The following IQGAP1 variants were observed in gnomAD, a reference collection of about 807,000 sequenced individuals.
The protein encoded by IQGAP1 is IQ motif containing GTPase activating protein 1, also known as ras GTPase-activating-like protein IQGAP1.
IQGAP1 carries 66 observed loss-of-function variants against 215.6 expected under a neutral mutation model. The ratio of observed to expected loss-of-function variants is 0.31; its 90% CI spans 0.25 to 0.38. IQGAP1 has a LOEUF of 0.38. IQGAP1 is among the 10% of genes least tolerant of loss of function. The pLI, the probability that IQGAP1 is intolerant of heterozygous loss-of-function variation, is 1.00. For missense variants in IQGAP1, 1,712 were observed against 1,997.1 expected, an observed-to-expected ratio of 0.86 and a Z score of 2.72; for synonymous variants, 772 against 728.7, an observed-to-expected ratio of 1.06 and a Z score of -0.96.
At chr15:90,458,727 T>C (rs1344197491) in intron 15 of IQGAP1, among the ~76,000 whole-genome samples, 2 of 152,230 alleles carry the variant, frequency 1.3e-5, no homozygotes, top group Non-Finnish European at 2.9e-5. Flanking sequence ...AGCCAACTAC[T>C]TCTTATCCGA....
intron 2 of IQGAP1, among the ~76,000 whole-genome samples, chr15:90,412,851 A>G (rs1964987017): frequency 6.6e-6 from 1 of 152,206 alleles, no homozygotes; most frequent in Non-Finnish European, 1.5e-5. Context: ...ACTGAATCTC[A>G]GTGGCTTGAA....
At position 90,487,589 on chromosome 15, in the gene IQGAP1, T is replaced by C; in HGVS notation, c.4248+7T>C. 6.3e-7 allele frequency: 1 copy of C among 1,598,702 alleles called. No individual in the cohort carries two copies. The highest frequency in any genetic ancestry group is 8.6e-7 in the Non-Finnish European group (1 of 1,166,172). ...ACCAGCCACCAGTGAACAGGTAAAATTTAGGGTCTAACATACTCCTTTGTT... is the reference window on the plus strand; with the variant it reads ...ACCAGCCACCAGTGAACAGGTAAAACTTAGGGTCTAACATACTCCTTTGTT... On this transcript the variant is annotated splice_region_variant and intron_variant, in intron 33 of 37. Transcript: ENST00000268182.
At chr15:90,459,336 G>A (rs1965730095) in intron 15 of IQGAP1, among the ~76,000 whole-genome samples, 1 of 152,182 alleles carries the variant, frequency 6.6e-6, no homozygotes, top group African/African-American at 2.4e-5. Flanking sequence ...TAGCGGGTAA[G>A]ACAAACATTT....
intron 5 of IQGAP1, 117 bp downstream of exon 5, chr15:90,433,912 AAATAGGATAAAAT>A: frequency 1.9e-6 from 1 of 532,360 alleles, no homozygotes; most frequent in Non-Finnish European, 3.3e-6. Context: ...CAAAAGTTCC[AAATAGGATAAAAT>A]ACTATTATCC....
intron 3 of IQGAP1, 41 bp from the exon 4 acceptor site, chr15:90,429,548 C>T (rs1965273770): frequency 7.2e-7 from 1 of 1,388,478 alleles, no homozygotes; most frequent in African/African-American, 1.5e-5. Context: ...ATATTTGCTT[C>T]AATACAGCCA....
At chr15:90,398,726 G>A (rs1343380997) in intron 2 of IQGAP1, among the ~76,000 whole-genome samples, 1 of 152,056 alleles carries the variant, frequency 6.6e-6, no homozygotes, top group Non-Finnish European at 1.5e-5. Context: ...ATCTTGGCTG[G>A]GCGCGGTGGC....
chr15:90,467,651 A>G, intron 18 of IQGAP1, 59 bp downstream of exon 18: 1 of 1,509,166 alleles, frequency 6.6e-7, no homozygotes, highest in Non-Finnish European at 8.9e-7. Flanking sequence ...AAGCTATAAT[A>G]TTAATTAAGA....
Position 90,450,815 on chromosome 15 carries a change from G to GTT in IQGAP1, c.1162+1184_1162+1185dup, listed in dbSNP as rs74753086. Among the ~76,000 whole-genome samples, 155 of 127,070 alleles carry GTT rather than the reference G, an allele frequency of 1.2e-3. 2 individuals carry two copies. The highest frequency in any genetic ancestry group is 3.5e-3 in the African/African-American group (125 of 35,456). The allele number at this position is 127,070 out of a possible 152,430, so 83.4% of individuals were successfully genotyped here. A position where few individuals can be genotyped will look rare whatever the true frequency, so the allele number is the denominator to read the frequency against. ...TGGATTATTTGTGGGGTTTTTTTTT[G>GTT]TTTTTTTTTTTTTGGCTGTTGTTTG... On this transcript the variant is annotated intron_variant, in intron 11 of 37. Transcript: ENST00000268182.
In IQGAP1 at chr15:90,500,192, G is replaced by A; in HGVS notation, c.*84G>A. 1.3e-6 allele frequency: 1 copy of A among 758,704 alleles called. No individual in the cohort carries two copies. Among genetic ancestry groups the A allele is most frequent in the Non-Finnish European group, 2.3e-6 (1 of 434,792 alleles). 47.0% of individuals were successfully genotyped at this position (758,704 alleles called of 1,614,324 possible). ...CTAGGTCCTTCTTTCCTCATTGGAAGCAAAGACCTAGCCAACAACAGCACC... is the reference window on the plus strand; with the variant it reads ...CTAGGTCCTTCTTTCCTCATTGGAAACAAAGACCTAGCCAACAACAGCACC... On this transcript the variant is annotated 3_prime_UTR_variant, in exon 38 of 38. Coordinates refer to ENST00000268182, the MANE Select transcript of IQGAP1 (RefSeq NM_003870.4).
rs201948106 is a variant in IQGAP1, at chr15:90,492,700, C to T, written c.4617C>T (p.Ala1539=). 2.7e-5 allele frequency: 44 copies of T among 1,608,882 alleles called. No individual in the cohort carries two copies. The highest frequency in any genetic ancestry group is 3.6e-5 in the Non-Finnish European group (42 of 1,178,510). Residue 1539 remains alanine (A), a synonymous_variant, in exon 35 of 38, where the codon GCC becomes GCT. Transcript: ENST00000268182. Reference sequence around the variant, plus strand: ...TCAAAACCTGCTTGGATAACTTAGCCAGCAAGGGCAAGTGAGTATTTTTTC... The same window carrying T: ...TCAAAACCTGCTTGGATAACTTAGCTAGCAAGGGCAAGTGAGTATTTTTTC... ...SYIKTCLDNL[A]SKGKVSKKPR...
chr15:90,426,445 A>ATAT, intron 3 of IQGAP1, among the ~76,000 whole-genome samples, 179 bp downstream of exon 3: 1 of 152,182 alleles, frequency 6.6e-6, no homozygotes, highest in Non-Finnish European at 1.5e-5. Context: ...TACTAGGCAA[A>ATAT]TATTATTACA....
chr15:90,417,133 A>C (rs1288496027), intron 2 of IQGAP1, among the ~76,000 whole-genome samples: 2 of 152,182 alleles, frequency 1.3e-5, no homozygotes, highest in Non-Finnish European at 2.9e-5. Context: ...GTATATTGCA[A>C]AAATTTTCTC....
chr15:90,461,153 A>G (rs1349746964), intron 15 of IQGAP1, among the ~76,000 whole-genome samples: 5 of 152,070 alleles, frequency 3.3e-5, no homozygotes, highest in Admixed American at 3.3e-4. Flanking sequence ...CTAAAAATAC[A>G]AAAAATTAGC....
chr15:90,450,567 C>A (rs1298668650), intron 11 of IQGAP1, among the ~76,000 whole-genome samples: 2 of 151,652 alleles, frequency 1.3e-5, no homozygotes, highest in Non-Finnish European at 2.9e-5. Context: ...TTTATATTCC[C>A]ATCAACAGTG....
At position 90,497,159 on chromosome 15, in the gene IQGAP1, C is replaced by T. The variant is rs548116191; in HGVS notation, c.4752-73C>T. 17 of 795,476 alleles carry T rather than the reference C, an allele frequency of 2.1e-5. No homozygotes were observed. The African/African-American group carries it at 2.8e-4, about 13-fold the overall frequency. 49.3% of individuals were successfully genotyped at this position (795,476 alleles called of 1,614,324 possible). On this transcript the variant is annotated intron_variant, in intron 36 of 37. Transcript: ENST00000268182. Reference sequence around the variant, plus strand: ...CACTCTTGAAGACTTGGTTCATCTCCTTTCCCCATTTCACAGAATATTTTT... The same window carrying T: ...CACTCTTGAAGACTTGGTTCATCTCTTTTCCCCATTTCACAGAATATTTTT...
intron 2 of IQGAP1, among the ~76,000 whole-genome samples, chr15:90,419,625 C>T (rs1359945995): frequency 2.6e-5 from 4 of 152,128 alleles, no homozygotes; most frequent in Non-Finnish European, 5.9e-5. Context: ...TGTTACTGAA[C>T]TCTACTTGTG....
chr15:90,415,568 G>A (rs1450165246), intron 2 of IQGAP1, among the ~76,000 whole-genome samples: 1 of 151,896 alleles, frequency 6.6e-6, no homozygotes, highest in Non-Finnish European at 1.5e-5. Context: ...TGTTAGTTGT[G>A]AACCGTGAGG....
At chr15:90,466,811 G>T (rs1010512305) in intron 17 of IQGAP1, among the ~76,000 whole-genome samples, 2 of 152,226 alleles carry the variant, frequency 1.3e-5, no homozygotes, top group Non-Finnish European at 1.5e-5. Flanking sequence ...AAAAAACTGG[G>T]CCGGGTGCGG....
At chr15:90,489,635 C>T (rs1485237847) in intron 33 of IQGAP1, among the ~76,000 whole-genome samples, 1 of 152,212 alleles carries the variant, frequency 6.6e-6, no homozygotes, top group Non-Finnish European at 1.5e-5. Flanking sequence ...ATGCCTCTGG[C>T]AAACTCTTGA....
Sources: gnomAD v4.1 joint callset for allele counts (sites outside exome capture counted in the v4.1 genomes callset) on GRCh38, gnomAD v4.1.1 for gene constraint, MANE v1.5 for transcripts, NCBI Gene and HGNC (gene_info 2026-07-23, HGNC 2026-07-21) for gene names.